MAP4: variants seen among roughly 807,000 people sequenced by gnomAD.
MAP4 encodes microtubule associated protein 4.
Under a neutral mutation model 170.2 loss-of-function variants are expected in MAP4, and 76 were observed. The ratio of observed to expected loss-of-function variants is 0.45; its 90% CI spans 0.37 to 0.54. MAP4 has a LOEUF of 0.54. Among genes scored for constraint, MAP4 ranks in the 20% least tolerant of loss-of-function variants. MAP4 has a pLI of 0.00. For missense variants in MAP4, 2,506 were observed against 2,748.0 expected, an observed-to-expected ratio of 0.91 and a Z score of 1.97; for synonymous variants, 909 against 994.5, an observed-to-expected ratio of 0.91 and a Z score of 1.62.
intron 3 of MAP4, among the ~76,000 whole-genome samples, chr3:47,963,013 G>GT (rs1306675735): frequency 6.6e-6 from 1 of 152,200 alleles, no homozygotes; most frequent in African/African-American, 2.4e-5. Context: ...AGGCTTGCCA[G>GT]TTTTTTGCAG....
intron 10 of MAP4, among the ~76,000 whole-genome samples, chr3:47,901,344 C>T (rs1306515443): frequency 2.0e-5 from 3 of 152,170 alleles, no homozygotes; most frequent in Non-Finnish European, 4.4e-5. Context: ...TTGGTATCTA[C>T]TGAATGAATG....
At chr3:47,914,181 T>A (rs574138543) in intron 8 of MAP4, among the ~76,000 whole-genome samples, 2 of 152,176 alleles carry the variant, frequency 1.3e-5, no homozygotes, top group Non-Finnish European at 2.9e-5. Context: ...AGGCAAGTTA[T>A]GTAACTTGCT....
chr3:48,074,725 T>TGTGTGTGTGTGTGTGTGTGTGAGA (rs756153345), intron 1 of MAP4, among the ~76,000 whole-genome samples: 1 of 147,336 alleles, frequency 6.8e-6, no homozygotes, highest in Non-Finnish European at 1.5e-5. Flanking sequence ...TGTGTGTGTG[T>TGTGTGTGTGTGTGTGTGTGTGAGA]GATATGTCGG....
chr3:47,936,472 A>T (rs1309161032), intron 3 of MAP4, among the ~76,000 whole-genome samples: 1 of 151,692 alleles, frequency 6.6e-6, no homozygotes, highest in African/African-American at 2.4e-5. Flanking sequence ...GAAAGGAGAG[A>T]CTTATGGATC....
chr3:47,887,682 G>A (rs538744970), intron 10 of MAP4, among the ~76,000 whole-genome samples: 1 of 152,376 alleles, frequency 6.6e-6, no homozygotes, highest in South Asian at 2.1e-4. Context: ...TGAGTCTGGT[G>A]GGGACGTGGA....
intron 2 of MAP4, among the ~76,000 whole-genome samples, chr3:47,993,074 G>T (rs2100093346): frequency 6.6e-6 from 1 of 152,306 alleles, no homozygotes; most frequent in Non-Finnish European, 1.5e-5. Flanking sequence ...GTGAAGCTTG[G>T]ATGAAAGAAT....
At chr3:47,988,089 G>A (rs112392008) in intron 2 of MAP4, among the ~76,000 whole-genome samples, 2 of 151,992 alleles carry the variant, frequency 1.3e-5, no homozygotes, top group Non-Finnish European at 2.9e-5. Flanking sequence ...AGCTACTCAG[G>A]AGGCTGAGGC....
chr3:48,030,463 T>C (rs2100115435), intron 1 of MAP4, among the ~76,000 whole-genome samples: 1 of 141,468 alleles, frequency 7.1e-6, no homozygotes, highest in African/African-American at 2.6e-5. Context: ...TCCAGAAAGT[T>C]AGGAAGTGCT....
rs771196825 is a variant in MAP4 at position 47,853,147 on chromosome 3, G to A, written c.6886+16C>T. The A allele has an allele frequency of 2.0e-5, 32 of 1,604,212 alleles. No homozygotes were observed. Among genetic ancestry groups the A allele is most frequent in the Non-Finnish European group, 2.4e-5 (28 of 1,174,794 alleles). On this transcript the variant is annotated intron_variant, in intron 20 of 20. Coordinates refer to ENST00000683076, the MANE Select transcript of MAP4 (RefSeq NM_001385682.1). ...AGGGCCCCTGGCTGGCCCTTAGGCC[G>A]AGCCCAGCCACTTACTTGTCTCCTG...
intron 10 of MAP4, among the ~76,000 whole-genome samples, chr3:47,885,939 A>G (rs1025249252): frequency 2.0e-5 from 3 of 152,156 alleles, no homozygotes; most frequent in Admixed American, 6.5e-5. Context: ...TGTGTTAGCC[A>G]GGATGGTCTC....
At chr3:47,943,258 T>C (rs1016827633) in intron 3 of MAP4, among the ~76,000 whole-genome samples, 1 of 152,242 alleles carries the variant, frequency 6.6e-6, no homozygotes, top group Non-Finnish European at 1.5e-5. Flanking sequence ...TCCAACTATA[T>C]TAGCGTCCTT....
At chr3:47,872,868 C>T (rs536097986) in intron 12 of MAP4, among the ~76,000 whole-genome samples, 1 of 152,218 alleles carries the variant, frequency 6.6e-6, no homozygotes, top group Non-Finnish European at 1.5e-5. Context: ...CATACACAAA[C>T]AAAAACTAAA....
intron 3 of MAP4, among the ~76,000 whole-genome samples, chr3:47,936,655 G>T (rs2100053075): frequency 6.6e-6 from 1 of 151,994 alleles, no homozygotes; most frequent in African/African-American, 2.4e-5. Flanking sequence ...ACCAAAAAGA[G>T]ATATGCTAAA....
chr3:48,013,316 T>C lies in MAP4; in HGVS notation c.-20+3018A>G, dbSNP rs1036555737. On this transcript the variant is annotated intron_variant, in intron 1 of 20. Coordinates refer to ENST00000683076, the MANE Select transcript of MAP4 (RefSeq NM_001385682.1). ...AAGCATTTACTCTAAAAAAAAAACC[T>C]CTCACTGACCAATTGACCATTTATA... Among the ~76,000 whole-genome samples the C allele has an allele frequency of 3.9e-5, 6 of 152,026 alleles. No individual in the cohort carries two copies. The East Asian group carries it at 1.2e-3, about 29-fold the overall frequency.
intron 9 of MAP4, among the ~76,000 whole-genome samples, chr3:47,904,439 G>A (rs1266579012): frequency 1.3e-5 from 2 of 151,502 alleles, no homozygotes; most frequent in African/African-American, 4.9e-5. Context: ...AGCCTCCTGA[G>A]TAGCTGGGAT....
chr3:47,951,606 C>T (rs1460385698), intron 3 of MAP4, among the ~76,000 whole-genome samples: 9 of 152,238 alleles, frequency 5.9e-5, no homozygotes, highest in African/African-American at 1.7e-4. Context: ...CCAGCCTTGG[C>T]CTCCCGAGGT....
intron 1 of MAP4, among the ~76,000 whole-genome samples, chr3:48,021,628 G>C (rs917917030): frequency 6.6e-6 from 1 of 152,188 alleles, no homozygotes; most frequent in Non-Finnish European, 1.5e-5. Flanking sequence ...TTACAGGCGT[G>C]AGACACCACG....
At chr3:47,945,398 T>G (rs1191784775) in intron 3 of MAP4, among the ~76,000 whole-genome samples, 1 of 152,010 alleles carries the variant, frequency 6.6e-6, no homozygotes, top group African/African-American at 2.4e-5. Context: ...ATGCATACAT[T>G]TAAACATCTG....
intron 1 of MAP4, among the ~76,000 whole-genome samples, chr3:48,003,499 T>G (rs976408590): frequency 1.3e-5 from 2 of 151,412 alleles, no homozygotes; most frequent in Non-Finnish European, 2.9e-5. Flanking sequence ...AAAACTGTTA[T>G]GATCAGCCAT....
Sources: allele counts gnomAD v4.1 joint callset (sites outside exome capture counted in the v4.1 genomes callset), GRCh38; gene constraint gnomAD v4.1.1; transcripts MANE v1.5; gene names NCBI Gene and HGNC (gene_info 2026-07-23, HGNC 2026-07-21).